The following ZBTB7C variants were observed in gnomAD, a reference collection of about 807,000 sequenced individuals.
The protein encoded by ZBTB7C is zinc finger and BTB domain-containing protein 7C.
ZBTB7C carries 8 observed loss-of-function variants against 25.7 expected under a neutral mutation model. The observed-to-expected ratio is 0.31, with a 90% CI of 0.18 to 0.56. The LOEUF (loss-of-function observed/expected upper bound fraction) is 0.56. Ranked by LOEUF, ZBTB7C falls within the 20% of genes least tolerant of loss-of-function variation. ZBTB7C has a pLI of 0.91. For synonymous variants in ZBTB7C, 394 were observed against 369.0 expected (o/e 1.07, Z -0.78); for missense variants, 824 against 855.2 (o/e 0.96, Z 0.46).
chr18:48,133,853 C>T (rs2040062567), intron 3 of ZBTB7C, among the ~76,000 whole-genome samples: 1 of 152,188 alleles, frequency 6.6e-6, no homozygotes, highest in Non-Finnish European at 1.5e-5. Context: ...GGAAAATAAA[C>T]TGAACAGCTC....
chr18:48,258,362 G>T (rs943821069), intron 2 of ZBTB7C, among the ~76,000 whole-genome samples: 14 of 152,138 alleles, frequency 9.2e-5, no homozygotes, highest in African/African-American at 3.4e-4. Context: ...ACTAGTAAGA[G>T]AGTTGTACCA....
intron 2 of ZBTB7C, among the ~76,000 whole-genome samples, chr18:48,250,943 A>G (rs2043837860): frequency 1.3e-5 from 2 of 152,088 alleles, no homozygotes; most frequent in Non-Finnish European, 1.5e-5. Context: ...AAAATATCTG[A>G]CCAGGCATAA....
At chr18:48,367,991 A>G (rs1598971857) in intron 1 of ZBTB7C, among the ~76,000 whole-genome samples, 1 of 151,882 alleles carries the variant, frequency 6.6e-6, no homozygotes, top group African/African-American at 2.4e-5. Flanking sequence ...AAGCTAAAGC[A>G]GGTTTAAGTA....
At chr18:48,410,835 G>T (rs1319793812), upstream of ZBTB7C, 1 of 152,244 alleles carries the variant, frequency 6.6e-6, no homozygotes, top group Middle Eastern at 3.1e-3. Context: ...CTCCTACCCG[G>T]CTGCGCTTAT....
At chr18:48,135,585 G>A (rs767126321) in intron 3 of ZBTB7C, among the ~76,000 whole-genome samples, 3 of 152,118 alleles carry the variant, frequency 2.0e-5, no homozygotes, top group Non-Finnish European at 4.4e-5. Flanking sequence ...AAGGGGGGAG[G>A]ACCGGCACTG....
chr18:48,224,454 A>G (rs1367107465), intron 2 of ZBTB7C, among the ~76,000 whole-genome samples: 1 of 152,160 alleles, frequency 6.6e-6, no homozygotes, highest in Non-Finnish European at 1.5e-5. Context: ...GAGGGGAGAG[A>G]GTTCCCTCCA....
intron 2 of ZBTB7C, among the ~76,000 whole-genome samples, chr18:48,193,084 T>G (rs2042235004): frequency 6.6e-6 from 1 of 152,232 alleles, no homozygotes; most frequent in Non-Finnish European, 1.5e-5. Context: ...CTGTGAGACC[T>G]GCACGATCCT....
chr18:48,089,297 C>T (rs1338741928), intron 3 of ZBTB7C, among the ~76,000 whole-genome samples: 8 of 151,410 alleles, frequency 5.3e-5, no homozygotes, highest in Non-Finnish European at 8.8e-5. Context: ...GGTGAAACCT[C>T]GTCTCTGCTA....
chr18:48,100,554 T>G (rs1032005399), intron 3 of ZBTB7C, among the ~76,000 whole-genome samples: 1 of 152,164 alleles, frequency 6.6e-6, no homozygotes, highest in African/African-American at 2.4e-5. Context: ...GAGTAACCAT[T>G]AAGCCACAAA....
At chr18:48,146,412 G>T (rs183176639) in intron 3 of ZBTB7C, among the ~76,000 whole-genome samples, 1 of 151,926 alleles carries the variant, frequency 6.6e-6, no homozygotes, top group Non-Finnish European at 1.5e-5. Context: ...TATAATTTTG[G>T]CTACTTATTT....
intron 2 of ZBTB7C, among the ~76,000 whole-genome samples, chr18:48,186,227 C>T (rs182661520): frequency 5.3e-5 from 8 of 152,330 alleles, no homozygotes; most frequent in Admixed American, 2.0e-4. Context: ...TCTCCCTCCC[C>T]GGCGCTGTGC....
At chr18:48,151,147 G>A (rs1380833003) in intron 3 of ZBTB7C, among the ~76,000 whole-genome samples, 1 of 152,176 alleles carries the variant, frequency 6.6e-6, no homozygotes, top group Non-Finnish European at 1.5e-5. Flanking sequence ...GTGTGTTGTG[G>A]CTGGAGGATG....
intron 3 of ZBTB7C, among the ~76,000 whole-genome samples, chr18:48,170,672 AG>A (rs1474431831): frequency 3.3e-5 from 5 of 152,134 alleles, no homozygotes; most frequent in Non-Finnish European, 4.4e-5. Context: ...ACCTTAACAG[AG>A]TAAGCAGGTA....
chr18:48,184,819 T>TTC lies in ZBTB7C; in HGVS notation c.-17+1113_-17+1114dup, dbSNP rs34659373. On this transcript the variant is annotated intron_variant, in intron 3 of 4. Transcript: ENST00000590800. ...CTTGGCTGCAGCTGTGTGGAGAATTTTCTCTCTCTCTCTCTCTCTCTCTGT... is the reference window on the plus strand; with the variant it reads ...CTTGGCTGCAGCTGTGTGGAGAATTTTCTCTCTCTCTCTCTCTCTCTCTCTGT... Among the ~76,000 whole-genome samples the TTC allele has an allele frequency of 1.3e-3, 187 of 147,916 alleles. 1 individual carries two copies. Among genetic ancestry groups the TTC allele is most frequent in the Non-Finnish European group, 1.5e-3 (99 of 67,010 alleles).
chr18:48,396,672 A>G (rs1249325774), intron 1 of ZBTB7C, among the ~76,000 whole-genome samples: 1 of 152,250 alleles, frequency 6.6e-6, no homozygotes, highest in Non-Finnish European at 1.5e-5. Context: ...CACATTTCAC[A>G]GCCTAATCGT....
At chr18:48,232,395 C>G (rs1166580497) in intron 2 of ZBTB7C, among the ~76,000 whole-genome samples, 5 of 152,244 alleles carry the variant, frequency 3.3e-5, no homozygotes, top group African/African-American at 4.8e-5. Context: ...TTTAAGCCAC[C>G]TACTTTGTCA....
chr18:48,311,080 A>T (rs2045807314), intron 2 of ZBTB7C, among the ~76,000 whole-genome samples: 1 of 152,170 alleles, frequency 6.6e-6, no homozygotes, highest in Non-Finnish European at 1.5e-5. Context: ...GTACTCTGTG[A>T]TACCTCTGAT....
chr18:48,275,554 C>A (rs1374289709), intron 2 of ZBTB7C, among the ~76,000 whole-genome samples: 4 of 152,182 alleles, frequency 2.6e-5, no homozygotes, highest in African/African-American at 9.7e-5. Context: ...CCCTAAATCA[C>A]AGGGTTCACT....
intron 2 of ZBTB7C, among the ~76,000 whole-genome samples, chr18:48,329,912 C>T (rs1446031849): frequency 1.3e-5 from 2 of 152,124 alleles, no homozygotes; most frequent in Non-Finnish European, 1.5e-5. Context: ...ACAACAATCC[C>T]GGGAGGGAGA....
Sources: allele counts gnomAD v4.1 joint callset (sites outside exome capture counted in the v4.1 genomes callset), GRCh38; gene constraint gnomAD v4.1.1; transcripts MANE v1.5; gene names NCBI Gene and HGNC (gene_info 2026-07-23, HGNC 2026-07-21).